The following DPYD variants were observed in gnomAD, a reference collection of about 807,000 sequenced individuals.
DPYD encodes dihydropyrimidine dehydrogenase [NADP(+)].
DPYD carries 109 observed loss-of-function variants against 116.2 expected under a neutral mutation model. That is an observed-to-expected ratio of 0.94 (90% CI 0.80 to 1.10). The LOEUF is 1.10. DPYD is among the 50% of genes least tolerant of loss of function. DPYD has a pLI of 0.00. For synonymous variants in DPYD, 440 were observed against 432.0 expected (o/e 1.02, Z -0.23); for missense variants, 1,302 against 1,254.5 (o/e 1.04, Z -0.57).
At chr1:97,672,013 C>T (rs1429789323) in intron 8 of DPYD, among the ~76,000 whole-genome samples, 3 of 146,786 alleles carry the variant, frequency 2.0e-5, no homozygotes, top group African/African-American at 5.1e-5. Context: ...GGAACCATCT[C>T]ACCTCACGGC....
intron 3 of DPYD, among the ~76,000 whole-genome samples, chr1:97,812,796 T>C (rs913121577): frequency 6.6e-6 from 1 of 152,132 alleles, no homozygotes; most frequent in Non-Finnish European, 1.5e-5. Flanking sequence ...ATTATAGGTT[T>C]CAAAGAGTAT....
rs115232898 is a variant in DPYD at position 97,699,474 on chromosome 1, T to C, written c.557A>G (p.Tyr186Cys). Residue 186 changes from tyrosine to cysteine, a missense_variant, in exon 6 of 23, where the codon TAT becomes TGT. Coordinates refer to ENST00000370192, the MANE Select transcript of DPYD (RefSeq NM_000110.4). ...ACCAAAAAGAGCAATCTTTGCAGAA[T>C]AGGCTTCAGACATTTTTTCTGGGGG... ...LPPPEKMSEA[Y>C]SAKIALFGAG... The C allele has an allele frequency of 1.1e-3, 1,737 of 1,613,632 alleles. 22 individuals are homozygous for C. In the African/African-American group the frequency reaches 0.021, roughly 19 times the overall value.
At chr1:97,921,054 C>T, upstream of DPYD, 2 of 1,170,776 alleles carry the variant, frequency 1.7e-6, no homozygotes, top group Non-Finnish European at 2.4e-6. Context: ...GGCGCGGGGG[C>T]GGAGCGGGCG....
At chr1:97,747,510 CAAG>C (rs1403771861) in intron 3 of DPYD, among the ~76,000 whole-genome samples, 3 of 152,088 alleles carry the variant, frequency 2.0e-5, no homozygotes, top group Admixed American at 6.6e-5. Flanking sequence ...TGGCAAGATT[CAAG>C]AAGATCAGAG....
chr1:97,559,846 A>G (rs907736308), intron 11 of DPYD, among the ~76,000 whole-genome samples: 2 of 152,234 alleles, frequency 1.3e-5, no homozygotes, highest in Admixed American at 1.3e-4. Context: ...GGATAAAACT[A>G]TAATAATGGA....
intron 9 of DPYD, 35 bp from the exon 10 acceptor site, chr1:97,593,422 G>C (rs776435698): frequency 6.2e-6 from 10 of 1,611,550 alleles, no homozygotes; most frequent in African/African-American, 1.4e-5. Flanking sequence ...TTTTCAAGTA[G>C]AGAAACCATT....
At chr1:97,569,613 G>A (rs142330975) in intron 11 of DPYD, among the ~76,000 whole-genome samples, 30 of 151,860 alleles carry the variant, frequency 2.0e-4, no homozygotes, top group African/African-American at 7.2e-4. Flanking sequence ...AAAATCCCAA[G>A]TTAATGTGAC....
intron 3 of DPYD, among the ~76,000 whole-genome samples, chr1:97,758,535 A>C (rs1054377557): frequency 6.6e-6 from 1 of 152,184 alleles, no homozygotes; most frequent in Non-Finnish European, 1.5e-5. Flanking sequence ...GAATAACTTG[A>C]ATGAAATCCA....
chr1:97,230,517 A>G (rs977010488), intron 19 of DPYD, among the ~76,000 whole-genome samples: 1 of 152,214 alleles, frequency 6.6e-6, no homozygotes, highest in African/African-American at 2.4e-5. Flanking sequence ...GAGGATCAAG[A>G]AAAATAATGA....
At chr1:97,304,067 A>G (rs1208277835) in intron 18 of DPYD, among the ~76,000 whole-genome samples, 1 of 152,030 alleles carries the variant, frequency 6.6e-6, no homozygotes, top group African/African-American at 2.4e-5. Context: ...TGTTACTTAT[A>G]TAAAATACTA....
intron 18 of DPYD, among the ~76,000 whole-genome samples, chr1:97,249,400 G>A (rs893711828): frequency 2.0e-5 from 3 of 151,736 alleles, no homozygotes; most frequent in Non-Finnish European, 2.9e-5. Flanking sequence ...GAAAAGAAAA[G>A]AAAAGAAAGG....
intron 16 of DPYD, among the ~76,000 whole-genome samples, chr1:97,363,355 G>C (rs1398067208): frequency 1.3e-5 from 2 of 152,336 alleles, no homozygotes; most frequent in Admixed American, 6.5e-5. Flanking sequence ...CTGTTGGTGA[G>C]ACTGTAAACT....
chr1:97,199,106 A>G (rs1290120906), intron 19 of DPYD, among the ~76,000 whole-genome samples: 1 of 152,178 alleles, frequency 6.6e-6, no homozygotes, highest in Non-Finnish European at 1.5e-5. Context: ...TTCTCATAAA[A>G]TGAGATTAAC....
At chr1:97,913,013 G>C (rs888819548) in intron 1 of DPYD, among the ~76,000 whole-genome samples, 1 of 152,106 alleles carries the variant, frequency 6.6e-6, no homozygotes, top group African/African-American at 2.4e-5. Context: ...TTGGCATAAA[G>C]AGTCCCATCT....
At chr1:97,581,770 A>T in intron 10 of DPYD, among the ~76,000 whole-genome samples, 1 of 151,158 alleles carries the variant, frequency 6.6e-6, no homozygotes, top group Non-Finnish European at 1.5e-5. Context: ...AAAAAAAAGA[A>T]AGGACAGCAT....
At chr1:97,128,410 A>C (rs1256644983) in intron 20 of DPYD, among the ~76,000 whole-genome samples, 1 of 152,174 alleles carries the variant, frequency 6.6e-6, no homozygotes, top group Non-Finnish European at 1.5e-5. Flanking sequence ...GACTTATACA[A>C]ACAAACAAGC....
At chr1:97,133,599 T>C (rs1017788992) in intron 20 of DPYD, among the ~76,000 whole-genome samples, 1 of 152,192 alleles carries the variant, frequency 6.6e-6, no homozygotes, top group Non-Finnish European at 1.5e-5. Flanking sequence ...CTGTAATTGC[T>C]ATACCATATC....
At chr1:97,433,022 C>T (rs1675269299) in intron 14 of DPYD, among the ~76,000 whole-genome samples, 1 of 152,128 alleles carries the variant, frequency 6.6e-6, no homozygotes, top group Non-Finnish European at 1.5e-5. Context: ...CGGGAGTTCT[C>T]TCTGCTCTCT....
chr1:97,328,231 T>C (rs1668804994), intron 16 of DPYD, among the ~76,000 whole-genome samples: 1 of 152,162 alleles, frequency 6.6e-6, no homozygotes, highest in African/African-American at 2.4e-5. Context: ...TTATTCATAA[T>C]AGAATTGCCT....
Sources: allele counts gnomAD v4.1 joint callset (sites outside exome capture counted in the v4.1 genomes callset), GRCh38; gene constraint gnomAD v4.1.1; transcripts MANE v1.5; gene names NCBI Gene and HGNC (gene_info 2026-07-23, HGNC 2026-07-21).